Variants in SAP18 observed in about 807,000 individuals in gnomAD.
SAP18 encodes the protein Sin3A associated protein 18.
In SAP18, 4 loss-of-function variants were observed where a neutral mutation model predicts 18.6. That is an observed-to-expected ratio of 0.21 (90% CI 0.11 to 0.49). The LOEUF (loss-of-function observed/expected upper bound fraction) is 0.49. SAP18 is among the 20% of genes least tolerant of loss of function. SAP18 has a pLI of 0.98. For synonymous variants in SAP18, 112 were observed against 82.8 expected, an observed-to-expected ratio of 1.35 and a Z score of -1.92; for missense variants, 170 against 226.4, an observed-to-expected ratio of 0.75 and a Z score of 1.60.
intron 2 of SAP18, among the ~76,000 whole-genome samples, chr13:21,146,078 C>T (rs1565986870): frequency 1.3e-5 from 2 of 152,284 alleles, no homozygotes; most frequent in South Asian, 2.1e-4. Context: ...CGCAGTGGCT[C>T]ACGCTTGTAA....
chr13:21,146,436 A>G (rs1050770999), intron 2 of SAP18: 2 of 160,390 alleles, frequency 1.2e-5, no homozygotes, highest in African/African-American at 2.4e-5. Flanking sequence ...GGAAGGGTAC[A>G]TGTCTTAGAA....
exon 4 of SAP18, chr13:21,148,230 A>G (rs911787399): frequency 6.6e-6 from 1 of 152,226 alleles, no homozygotes; most frequent in Non-Finnish European, 1.5e-5. Context: ...TGGATAAATT[A>G]TTTCAATCTT....
exon 4 of SAP18, chr13:21,148,488 TTAAA>T (rs1853458866): frequency 6.6e-6 from 1 of 151,578 alleles, no homozygotes; most frequent in African/African-American, 2.4e-5. Flanking sequence ...ATCCCAAAAT[TTAAA>T]AAAAAAAGTA....
chr13:21,145,314 T>C (rs1342761213), intron 2 of SAP18, among the ~76,000 whole-genome samples: 3 of 152,122 alleles, frequency 2.0e-5, no homozygotes, highest in African/African-American at 7.2e-5. Flanking sequence ...GAGTTTCTTA[T>C]TTAAACTTGG....
chr13:21,144,549 T>C (rs910084454), intron 2 of SAP18, among the ~76,000 whole-genome samples: 3 of 151,648 alleles, frequency 2.0e-5, no homozygotes, highest in Non-Finnish European at 2.9e-5. Context: ...TTTCAACTAA[T>C]AGAATCAGGC....
At chr13:21,144,274 G>A (rs1376302578) in intron 2 of SAP18, among the ~76,000 whole-genome samples, 1 of 151,850 alleles carries the variant, frequency 6.6e-6, no homozygotes, top group African/African-American at 2.4e-5. Context: ...GCATGGTGGC[G>A]GGTGCCTGTA....
intron 2 of SAP18, among the ~76,000 whole-genome samples, chr13:21,144,133 G>A (rs954323958): frequency 2.6e-5 from 4 of 152,140 alleles, no homozygotes; most frequent in African/African-American, 7.2e-5. Flanking sequence ...TCTGCTGGGC[G>A]TGGTGGCTCA....
At chr13:21,140,837 C>T in intron 1 of SAP18, 49 bp from the exon 2 acceptor site, 1 of 1,579,392 alleles carries the variant, frequency 6.3e-7, no homozygotes. Context: ...GCTCCGGGTT[C>T]GCAGCTGGTG....
chr13:21,140,518 G>C (rs769582269), exon 1 of SAP18: 18 of 1,554,474 alleles, frequency 1.2e-5, no homozygotes, highest in Non-Finnish European at 1.6e-5. Context: ...CGACTATAAA[G>C]TGTCGAGCTT....
At chr13:21,148,508 A>C (rs1869733833) in exon 4 of SAP18, 1 of 152,206 alleles carries the variant, frequency 6.6e-6, no homozygotes, top group South Asian at 2.1e-4. Context: ...AAGTACCAGC[A>C]GCAATAAAAT....
At chr13:21,146,694 C>T in intron 2 of SAP18, 111 bp from the exon 3 acceptor site, 1 of 849,020 alleles carries the variant, frequency 1.2e-6, no homozygotes, top group Non-Finnish European at 1.7e-6. Flanking sequence ...CTGGCAGTTT[C>T]TAATGTAAAT....
chr13:21,140,643 A>C, exon 1 of SAP18: 1 of 1,612,942 alleles, frequency 6.2e-7, no homozygotes, highest in African/African-American at 1.3e-5. Context: ...CCAGGAGGAA[A>C]TTAAGAAGGA....
chr13:21,144,175 G>C (rs1306653065), intron 2 of SAP18, among the ~76,000 whole-genome samples: 1 of 152,118 alleles, frequency 6.6e-6, no homozygotes, highest in Non-Finnish European at 1.5e-5. Flanking sequence ...GGGAGGCCGA[G>C]GTGGGCGGGT....
At chr13:21,146,992 G>A in intron 3 of SAP18, 65 bp downstream of exon 3, 1 of 1,518,654 alleles carries the variant, frequency 6.6e-7, no homozygotes, top group Non-Finnish European at 8.9e-7. Context: ...AACTGATACA[G>A]ATAACTCCTT....
At chr13:21,145,725 C>T (rs1426912023) in intron 2 of SAP18, among the ~76,000 whole-genome samples, 1 of 152,204 alleles carries the variant, frequency 6.6e-6, no homozygotes, top group East Asian at 1.9e-4. Flanking sequence ...GTTGGCCAGG[C>T]TGCTCTCGAA....
intron 1 of SAP18, 31 bp downstream of exon 1, chr13:21,140,712 A>G (rs754135538): frequency 2.1e-5 from 33 of 1,604,080 alleles, no homozygotes; most frequent in Non-Finnish European, 2.8e-5. Flanking sequence ...GGGGTCCGGG[A>G]AGAGGTTGGG....
rs764614475 is a variant in SAP18, at chr13:21,140,573, A to C, written c.21A>C (p.Gly7=). 1.1e-5 allele frequency: 18 copies of C among 1,603,286 alleles called. No individual in the cohort carries two copies. The Admixed American group carries it at 2.4e-4, about 21-fold the overall frequency. Reference sequence around the variant, plus strand: ...TGCTCATGCTCGCTGCAGGGGTCGGAGGTCAGGGCGAGCGTCTCGCAGGCC... The same window carrying C: ...TGCTCATGCTCGCTGCAGGGGTCGGCGGTCAGGGCGAGCGTCTCGCAGGCC... The change falls in exon 1 of 4, where the codon GGA becomes GGC. Residue 7 remains glycine, a synonymous_variant. Coordinates refer to ENST00000621421, the Ensembl canonical transcript of SAP18.
chr13:21,146,737 T>C (rs995314330), intron 2 of SAP18, 68 bp from the exon 3 acceptor site: 93 of 1,252,566 alleles, frequency 7.4e-5, no homozygotes, highest in Non-Finnish European at 1.0e-4. Flanking sequence ...AACTCATTGT[T>C]AGTATCCCTT....
upstream of SAP18, chr13:21,140,419 C>T: frequency 2.0e-6 from 2 of 1,010,000 alleles, no homozygotes; most frequent in African/African-American, 3.2e-5. Context: ...CCGCCTTTTC[C>T]CGAAGTCGCA....
Sources: gnomAD v4.1 joint callset for allele counts (sites outside exome capture counted in the v4.1 genomes callset) on GRCh38, gnomAD v4.1.1 for gene constraint, MANE v1.5 for transcripts, NCBI Gene and HGNC (gene_info 2026-07-23, HGNC 2026-07-21) for gene names.